RBMS1: variants seen among roughly 807,000 people sequenced by gnomAD.
RBMS1 encodes RNA-binding motif, single-stranded-interacting protein 1.
Under a neutral mutation model 62.3 loss-of-function variants are expected in RBMS1, and 17 were observed. The observed-to-expected ratio is 0.27, with a 90% confidence interval of 0.19 to 0.41. RBMS1 has a LOEUF of 0.41. RBMS1 is among the 10% of genes least tolerant of loss of function. RBMS1 has a pLI of 1.00. For synonymous variants in RBMS1, 172 were observed against 170.0 expected (o/e 1.01, Z -0.09); for missense variants, 334 against 504.5 (o/e 0.66, Z 3.24).
intron 1 of RBMS1, among the ~76,000 whole-genome samples, chr2:160,465,888 A>ACT (rs1553531333): frequency 0.024 from 3,554 of 145,132 alleles, 74 homozygotes; most frequent in African/African-American, 0.05. Context: ...ACACACACAC[A>ACT]CTCTCACATT....
chr2:160,461,452 T>A (rs1684461131), intron 1 of RBMS1, among the ~76,000 whole-genome samples: 1 of 152,194 alleles, frequency 6.6e-6, no homozygotes, highest in African/African-American at 2.4e-5. Flanking sequence ...TTAATTCCAG[T>A]AAGTGGAGGG....
At chr2:160,304,944 T>G (rs1474221494) in intron 4 of RBMS1, among the ~76,000 whole-genome samples, 1 of 152,110 alleles carries the variant, frequency 6.6e-6, no homozygotes, top group Non-Finnish European at 1.5e-5. Context: ...AACTTCTGCC[T>G]CCCGGGTTCA....
intron 1 of RBMS1, among the ~76,000 whole-genome samples, chr2:160,402,552 T>G (rs2105234231): frequency 6.6e-6 from 1 of 152,314 alleles, no homozygotes; most frequent in African/African-American, 2.4e-5. Flanking sequence ...TAACTCAGTG[T>G]CTAGTATGTC....
At chr2:160,283,330 G>A (rs1468143646) in intron 9 of RBMS1, 2 of 152,182 alleles carry the variant, frequency 1.3e-5, no homozygotes, top group African/African-American at 4.8e-5. Flanking sequence ...TTAGGGAAGT[G>A]CACTAGAGCA....
chr2:160,429,564 A>G (rs2105284123), intron 1 of RBMS1, among the ~76,000 whole-genome samples: 1 of 152,346 alleles, frequency 6.6e-6, no homozygotes, highest in African/African-American at 2.4e-5. Flanking sequence ...ATCAAGAATT[A>G]GGTTTTTGGG....
chr2:160,409,025 G>A (rs1695915909), intron 1 of RBMS1, among the ~76,000 whole-genome samples: 1 of 152,174 alleles, frequency 6.6e-6, no homozygotes, highest in African/African-American at 2.4e-5. Flanking sequence ...AAGTGAAGGC[G>A]TATGCCTTCT....
At chr2:160,383,956 G>C (rs1385562027) in intron 1 of RBMS1, among the ~76,000 whole-genome samples, 1 of 152,184 alleles carries the variant, frequency 6.6e-6, no homozygotes, top group Non-Finnish European at 1.5e-5. Context: ...CCAGCACTTT[G>C]GGAGACCGAG....
At chr2:160,362,531 G>A (rs1428500622) in intron 2 of RBMS1, among the ~76,000 whole-genome samples, 6 of 152,296 alleles carry the variant, frequency 3.9e-5, no homozygotes, top group Non-Finnish European at 8.8e-5. Context: ...AGCCAGTGGA[G>A]CAGTCAGAAC....
intron 1 of RBMS1, among the ~76,000 whole-genome samples, chr2:160,466,905 T>C (rs1304331019): frequency 6.6e-6 from 1 of 152,218 alleles, no homozygotes; most frequent in Non-Finnish European, 1.5e-5. Flanking sequence ...CCCAGCCTCC[T>C]CTTATGTAAA....
rs181788072 is a variant in RBMS1, at chr2:160,340,972, C to T, written c.252-22745G>A. ...TGACTAAGTACATTTTCACAGTTTACTCTCATTTTCCCCATTTCTCCCCTT... is the reference window on the plus strand; with the variant it reads ...TGACTAAGTACATTTTCACAGTTTATTCTCATTTTCCCCATTTCTCCCCTT... On this transcript the variant is annotated intron_variant, in intron 2 of 13. Coordinates refer to ENST00000348849, the MANE Select transcript of RBMS1 (RefSeq NM_016836.4). 2.4e-3 allele frequency among the ~76,000 whole-genome samples: 370 copies of T among 152,226 alleles called. 1 individual carries two copies. Among genetic ancestry groups the T allele is most frequent in the African/African-American group, 8.7e-3 (361 of 41,544 alleles).
chr2:160,416,719 C>T (rs750737840), intron 1 of RBMS1, among the ~76,000 whole-genome samples: 60 of 152,082 alleles, frequency 3.9e-4, no homozygotes, highest in Middle Eastern at 3.4e-3. Flanking sequence ...TATTAAGGGC[C>T]GGTCCTTGTA....
chr2:160,446,564 A>G (rs1417925247), intron 1 of RBMS1, among the ~76,000 whole-genome samples: 1 of 152,148 alleles, frequency 6.6e-6, no homozygotes, highest in Non-Finnish European at 1.5e-5. Flanking sequence ...TGCTCTGTTC[A>G]CATCCATGGA....
At chr2:160,472,982 A>T (rs113309132) in intron 1 of RBMS1, among the ~76,000 whole-genome samples, 6,778 of 152,278 alleles carry the variant, frequency 0.045, 245 homozygotes, top group Non-Finnish European at 0.072. Flanking sequence ...CCACTCAACT[A>T]TGTTGTTTAA....
intron 1 of RBMS1, among the ~76,000 whole-genome samples, chr2:160,399,474 C>G (rs1695322974): frequency 6.6e-6 from 1 of 151,974 alleles, no homozygotes; most frequent in African/African-American, 2.4e-5. Flanking sequence ...TAATGTGCAC[C>G]AGTATTATCT....
intron 2 of RBMS1, among the ~76,000 whole-genome samples, chr2:160,363,707 C>G (rs1350320979): frequency 3.3e-5 from 5 of 152,026 alleles, no homozygotes; most frequent in African/African-American, 1.2e-4. Context: ...GGAAAAGAGA[C>G]AGTGTTGAGA....
At chr2:160,449,266 A>G (rs1162346801) in intron 1 of RBMS1, among the ~76,000 whole-genome samples, 3 of 145,938 alleles carry the variant, frequency 2.1e-5, no homozygotes, top group Admixed American at 6.8e-5. Context: ...GCCTCTGCCC[A>G]GCCGCCCCGT....
At chr2:160,311,454 C>T (rs767837015) in intron 4 of RBMS1, among the ~76,000 whole-genome samples, 4 of 151,870 alleles carry the variant, frequency 2.6e-5, no homozygotes, top group Non-Finnish European at 4.4e-5. Flanking sequence ...GGTTTTTCAA[C>T]ATCCTTAAGG....
intron 1 of RBMS1, among the ~76,000 whole-genome samples, chr2:160,368,654 T>G (rs957389521): frequency 6.6e-6 from 1 of 152,208 alleles, no homozygotes; most frequent in African/African-American, 2.4e-5. Context: ...TTTTTTATTA[T>G]TTGAGATGGA....
chr2:160,370,464 C>T (rs749574460), intron 1 of RBMS1, among the ~76,000 whole-genome samples: 2 of 152,166 alleles, frequency 1.3e-5, no homozygotes, highest in Non-Finnish European at 2.9e-5. Flanking sequence ...GAAACCCCGT[C>T]TCTACTAAAG....
Sources: allele counts gnomAD v4.1 joint callset (sites outside exome capture counted in the v4.1 genomes callset), GRCh38; gene constraint gnomAD v4.1.1; transcripts MANE v1.5; gene names NCBI Gene and HGNC (gene_info 2026-07-23, HGNC 2026-07-21).